Variants in NLRC5 observed in about 807,000 individuals in gnomAD.
NLRC5 encodes the protein protein NLRC5.
Under a neutral mutation model 206.9 loss-of-function variants are expected in NLRC5, and 114 were observed. The observed-to-expected ratio is 0.55, with a 90% CI of 0.47 to 0.64. NLRC5 has a LOEUF of 0.64. NLRC5 is among the 30% of genes least tolerant of loss of function. The pLI, the probability that NLRC5 is intolerant of heterozygous loss-of-function variation, is 0.00. For missense variants in NLRC5, 2,008 were observed against 2,305.5 expected (o/e 0.87, Z 2.64); for synonymous variants, 952 against 962.8 (o/e 0.99, Z 0.21).
intron 32 of NLRC5, chr16:57,062,105 T>G: frequency 8.9e-7 from 1 of 1,129,752 alleles, no homozygotes; most frequent in South Asian, 1.4e-5. Context: ...AACCTAGGTT[T>G]GACAGTTGTT....
At chr16:57,029,323 G>A (rs1166019980) in intron 8 of NLRC5, among the ~76,000 whole-genome samples, 6 of 152,208 alleles carry the variant, frequency 3.9e-5, no homozygotes, top group Non-Finnish European at 4.4e-5. Flanking sequence ...GGTGGGGAAA[G>A]TGAGGTCAGA....
chr16:57,069,635 T>C, intron 36 of NLRC5: 1 of 589,790 alleles, frequency 1.7e-6, no homozygotes, highest in Non-Finnish European at 3.0e-6. Context: ...TAGGAAATAC[T>C]GAACTAGTCC....
At chr16:57,033,066 C>T (rs1282937676) in intron 11 of NLRC5, among the ~76,000 whole-genome samples, 1 of 152,032 alleles carries the variant, frequency 6.6e-6, no homozygotes, top group East Asian at 1.9e-4. Context: ...TCCTAGCTTC[C>T]CTGCATCCCC....
At chr16:57,039,925 C>G in intron 16 of NLRC5, 76 bp downstream of exon 16, 1 of 1,265,634 alleles carries the variant, frequency 7.9e-7, no homozygotes, top group Non-Finnish European at 1.1e-6. Flanking sequence ...CTGGGCAGTG[C>G]CAGTCAGTCA....
At chr16:57,081,339 T>C in intron 47 of NLRC5, 158 bp downstream of exon 47, 1 of 905,584 alleles carries the variant, frequency 1.1e-6, no homozygotes. Flanking sequence ...TAGTTCCCCC[T>C]GGGTTCTAGC....
At chr16:57,045,890 G>T (rs1418728401) in intron 21 of NLRC5, among the ~76,000 whole-genome samples, 1 of 152,200 alleles carries the variant, frequency 6.6e-6, no homozygotes, top group Non-Finnish European at 1.5e-5. Flanking sequence ...AGGGGCCGTG[G>T]GTGCTCTGAA....
intron 35 of NLRC5, 25 bp downstream of exon 35, chr16:57,067,495 G>A (rs1223687849): frequency 6.2e-7 from 1 of 1,608,452 alleles, no homozygotes; most frequent in East Asian, 2.2e-5. Context: ...ACTCTGTGTG[G>A]GGCCCTGAGT....
At chr16:57,045,612 C>A in intron 21 of NLRC5, 120 bp downstream of exon 21, 2 of 854,986 alleles carry the variant, frequency 2.3e-6, no homozygotes, top group Non-Finnish European at 3.9e-6. Flanking sequence ...CACCCAAGTC[C>A]GGCACACTAG....
intron 38 of NLRC5, among the ~76,000 whole-genome samples, chr16:57,071,071 A>AGG (rs2067659788): frequency 1.2e-5 from 1 of 81,336 alleles, no homozygotes; most frequent in Admixed American, 1.4e-4. Context: ...TTAATGGGGA[A>AGG]GAGTTGTGAG....
intron 32 of NLRC5, 142 bp from the exon 33 acceptor site, chr16:57,065,070 T>C (rs55703352): frequency 0.069 from 28,410 of 412,050 alleles, 1,248 homozygotes; most frequent in African/African-American, 0.13. Flanking sequence ...ACTTGTATAA[T>C]TTTATAGTTT....
rs1424842261 is a variant in NLRC5 at position 57,059,156 on chromosome 16, C to T, written c.3920+95C>T. Reference sequence around the variant, plus strand: ...GAAGCAAGGCACCCACACTTTGTGGCCTTCCATCTGGGTGGCTTGGAGCAA... The same window carrying T: ...GAAGCAAGGCACCCACACTTTGTGGTCTTCCATCTGGGTGGCTTGGAGCAA... On this transcript the variant is annotated intron_variant, in intron 29 of 48. Transcript: ENST00000688547. The T allele has an allele frequency of 2.5e-6, 4 of 1,604,876 alleles. No homozygotes were observed. The South Asian group carries it at 3.3e-5, about 13-fold the overall frequency.
intron 2 of NLRC5, among the ~76,000 whole-genome samples, chr16:57,018,144 G>T (rs771294790): frequency 1.3e-5 from 2 of 152,222 alleles, no homozygotes; most frequent in Non-Finnish European, 2.9e-5. Context: ...CTTCCATCTG[G>T]TGCCATGCTG....
chr16:57,078,483 T>TTTTTTG lies in NLRC5; in HGVS notation c.5081+468_5081+469insGTTTTT, dbSNP rs1416033478. On this transcript the variant is annotated intron_variant, in intron 43 of 48. Transcript: ENST00000688547. ...GGGACCTTGTTTTTTTTTTTTTTTT[T>TTTTTTG]TTTTTTTAGATGGAGTCTCTCTCTG... Among the ~76,000 whole-genome samples the TTTTTTG allele has an allele frequency of 3.5e-4, 52 of 146,844 alleles. 3 individuals carry two copies. In the East Asian group the frequency reaches 7.4e-3, roughly 21 times the overall value.
chr16:57,025,728 G>T lies in NLRC5; in HGVS notation c.785G>T (p.Arg262Leu). 1 of 1,614,138 alleles carries T rather than the reference G, an allele frequency of 6.2e-7. No individual in the cohort carries two copies. The highest frequency in any genetic ancestry group is 1.1e-5 in the South Asian group (1 of 91,082). Residue 262 changes from arginine to leucine, a missense_variant, in exon 6 of 49, where the codon CGC becomes CTC. Transcript: ENST00000688547. ...CAGGCCCTGTTCCTTTTTGAATTCC[G>T]CCAGCTCAACTTGATCACGAGGTTC... ...CFQALFLFEF[R>L]QLNLITRFLT...
At chr16:57,071,502 T>A (rs570252529) in intron 38 of NLRC5, among the ~76,000 whole-genome samples, 1 of 140,796 alleles carries the variant, frequency 7.1e-6, no homozygotes, top group South Asian at 2.3e-4. Context: ...ATGATGGTGG[T>A]TAATGGGGAA....
chr16:57,009,268 G>A (rs2059241317), intron 1 of NLRC5, among the ~76,000 whole-genome samples: 1 of 151,760 alleles, frequency 6.6e-6, no homozygotes, highest in African/African-American at 2.4e-5. Context: ...TCCAGCCTGG[G>A]TGGCAGAGTG....
intron 15 of NLRC5, among the ~76,000 whole-genome samples, chr16:57,038,131 A>G (rs1366955161): frequency 6.6e-6 from 1 of 152,218 alleles, no homozygotes; most frequent in African/African-American, 2.4e-5. Context: ...AATAGCTGGA[A>G]TGTTTAACCG....
At chr16:57,027,145 CA>C (rs2061340271) in intron 6 of NLRC5, 127 bp downstream of exon 6, 1 of 1,136,770 alleles carries the variant, frequency 8.8e-7, no homozygotes, top group Non-Finnish European at 1.2e-6. Flanking sequence ...TAATGGCCTG[CA>C]ATGCAAGAGA....
chr16:57,007,520 C>T (rs957534923), intron 1 of NLRC5, among the ~76,000 whole-genome samples: 4 of 151,526 alleles, frequency 2.6e-5, no homozygotes, highest in Admixed American at 6.6e-5. Flanking sequence ...GTCAGAAGTT[C>T]GAGACCAGCC....
Sources: allele counts gnomAD v4.1 joint callset (sites outside exome capture counted in the v4.1 genomes callset), GRCh38; gene constraint gnomAD v4.1.1; transcripts MANE v1.5; gene names NCBI Gene and HGNC (gene_info 2026-07-23, HGNC 2026-07-21).